The following SPEF2 variants were observed in gnomAD, a reference collection of about 807,000 sequenced individuals.
SPEF2 encodes sperm flagella and cilia-associated protein 2.
SPEF2 carries 187 observed loss-of-function variants against 224.6 expected under a neutral mutation model. The ratio of observed to expected loss-of-function variants is 0.83; its 90% CI spans 0.74 to 0.94. The LOEUF (loss-of-function observed/expected upper bound fraction) is 0.94, where lower values mean the gene tolerates loss of function less well. Ranked by LOEUF, SPEF2 falls within the 40% of genes least tolerant of loss-of-function variation. The pLI is 0.00. For synonymous variants in SPEF2, 715 were observed against 707.3 expected (o/e 1.01, Z -0.17); for missense variants, 2,170 against 2,135.6 (o/e 1.02, Z -0.32).
chr5:35,627,255 A>C (rs1331459131), intron 1 of SPEF2, among the ~76,000 whole-genome samples: 1 of 151,978 alleles, frequency 6.6e-6, no homozygotes, highest in Non-Finnish European at 1.5e-5. Flanking sequence ...AATACAAGTA[A>C]CTCAAAACTA....
chr5:35,628,654 T>G, intron 2 of SPEF2, 92 bp downstream of exon 2: 1 of 832,848 alleles, frequency 1.2e-6, no homozygotes, highest in Non-Finnish European at 1.9e-6. Context: ...TGCAGTAGCG[T>G]GATCATAGCT....
intron 10 of SPEF2, among the ~76,000 whole-genome samples, chr5:35,681,777 G>A (rs1752844378): frequency 6.6e-6 from 1 of 152,002 alleles, no homozygotes; most frequent in South Asian, 2.1e-4. Flanking sequence ...TGTTTTATGG[G>A]GAGACCTAGT....
intron 30 of SPEF2, among the ~76,000 whole-genome samples, chr5:35,781,972 A>G (rs983542222): frequency 6.6e-6 from 1 of 152,156 alleles, no homozygotes; most frequent in Non-Finnish European, 1.5e-5. Flanking sequence ...CAGGCTCCAA[A>G]CATTGACAAT....
intron 8 of SPEF2, among the ~76,000 whole-genome samples, chr5:35,664,498 G>A (rs1382466169): frequency 6.6e-6 from 1 of 152,074 alleles, no homozygotes; most frequent in African/African-American, 2.4e-5. Context: ...AGGCCAACAT[G>A]GTGAAACCCT....
At chr5:35,625,108 T>C (rs1561088921) in intron 1 of SPEF2, among the ~76,000 whole-genome samples, 2 of 152,240 alleles carry the variant, frequency 1.3e-5, no homozygotes, top group Non-Finnish European at 2.9e-5. Context: ...CGTCACTCAC[T>C]GTTCTAGTTT....
At chr5:35,652,720 C>T (rs1748377654) in intron 6 of SPEF2, among the ~76,000 whole-genome samples, 1 of 151,956 alleles carries the variant, frequency 6.6e-6, no homozygotes. Flanking sequence ...AGCTGGGAGG[C>T]GCAAACCTCC....
intron 28 of SPEF2, among the ~76,000 whole-genome samples, chr5:35,775,094 A>G (rs1753424931): frequency 6.6e-6 from 1 of 152,152 alleles, no homozygotes; most frequent in South Asian, 2.1e-4. Flanking sequence ...TATATGTACA[A>G]ACATAAACAA....
chr5:35,776,280 G>T lies in SPEF2; in HGVS notation c.4102G>T (p.Glu1368Ter), dbSNP rs1230916222. 5 of 1,609,872 alleles carry T rather than the reference G, an allele frequency of 3.1e-6. No individual in the cohort carries two copies. In the East Asian group the frequency reaches 1.1e-4, roughly 36 times the overall value. The change falls in exon 29 of 37, where the codon GAA (glutamate) becomes TAA (stop). Residue 1368 changes from glutamate to a stop codon, truncating the protein, a stop_gained. Transcript: ENST00000356031. LOFTEE classifies it high-confidence loss of function. ...FEEIATQFRL[E>*]LIKTKALALL... ...AGAAATAGCCACGCAATTTCGACTT[G>T]AACTGATAAAGACAAAAGCATTGGC...
Position 35,654,683 on chromosome 5 carries a change from G to A in SPEF2, c.935G>A (p.Arg312Gln), listed in dbSNP as rs143363707. Residue 312 changes from arginine (R) to glutamine (Q), a missense_variant, in exon 7 of 37, where the codon CGG becomes CAG. Physicochemically the swap from Arg to Gln is conservative, Grantham distance 43. Coordinates refer to ENST00000356031, the MANE Select transcript of SPEF2 (RefSeq NM_024867.4). ...FAREQREKRRRKLLMDQLIAH... is the reference protein window; with the variant it reads ...FAREQREKRRQKLLMDQLIAH... ...CGAGAGCAAAGGGAGAAAAGACGGC[G>A]GAAATTGTTAATGGACCAGTTAATA... 1.6e-5 allele frequency: 25 copies of A among 1,611,424 alleles called. No individual in the cohort carries two copies. Among genetic ancestry groups the A allele is most frequent in the East Asian group, 1.3e-4 (6 of 44,838 alleles).
chr5:35,763,907 G>T (rs1433915244), intron 26 of SPEF2, among the ~76,000 whole-genome samples: 2 of 152,174 alleles, frequency 1.3e-5, no homozygotes, highest in African/African-American at 4.8e-5. Context: ...CAACATTTAG[G>T]TTATTTTCTG....
Position 35,700,701 on chromosome 5 carries a change from T to G in SPEF2, c.2347T>G (p.Leu783Val), listed in dbSNP as rs1384027243. 6.8e-6 allele frequency: 11 copies of G among 1,613,972 alleles called. No homozygotes were observed. The highest frequency in any genetic ancestry group is 7.6e-6 in the Non-Finnish European group (9 of 1,179,900). ...CTCTCCTGCATTTGATTTTGTCATA[T>G]TATTAGATGTTTCAGATACTTCCTC... is the stretch of plus-strand genomic sequence containing the variant. ...LPSPAFDFVI[L>V]LDVSDTSSMS... Residue 783 changes from leucine (L) to valine (V), a missense_variant, in exon 16 of 37, where the codon TTA (leucine) becomes GTA (valine). Transcript: ENST00000356031.
At chr5:35,701,420 G>A (rs1444169350) in intron 16 of SPEF2, among the ~76,000 whole-genome samples, 1 of 152,138 alleles carries the variant, frequency 6.6e-6, no homozygotes, top group Non-Finnish European at 1.5e-5. Flanking sequence ...ATTGTTATGG[G>A]TATTAAATGA....
At chr5:35,775,461 A>C (rs997948599) in intron 28 of SPEF2, among the ~76,000 whole-genome samples, 75 of 152,040 alleles carry the variant, frequency 4.9e-4, no homozygotes, top group Admixed American at 2.6e-4. Flanking sequence ...GCTTGTGAGT[A>C]GCTTAGGACC....
At chr5:35,643,666 C>T (rs1746923431) in intron 3 of SPEF2, 2 of 403,184 alleles carry the variant, frequency 5.0e-6, no homozygotes, top group Admixed American at 5.8e-5. Context: ...GTAGAGATGC[C>T]ATCTTCTTTG....
At chr5:35,620,855 G>A (rs183021759) in intron 1 of SPEF2, among the ~76,000 whole-genome samples, 3 of 152,300 alleles carry the variant, frequency 2.0e-5, no homozygotes, top group East Asian at 1.9e-4. Flanking sequence ...ACATTTATAT[G>A]AGCATGAAGA....
At chr5:35,668,809 T>C (rs7706719) in intron 9 of SPEF2, among the ~76,000 whole-genome samples, 92,337 of 151,860 alleles carry the variant, frequency 0.61, 28,814 homozygotes, top group East Asian at 0.73. Context: ...TTTCAAAATA[T>C]GTGGACTACT....
chr5:35,709,736 G>T, intron 19 of SPEF2: 1 of 985,322 alleles, frequency 1.0e-6, no homozygotes, highest in Non-Finnish European at 1.2e-6. Flanking sequence ...CATAAGTCTA[G>T]CATTAAGTGG....
intron 30 of SPEF2, among the ~76,000 whole-genome samples, chr5:35,787,679 G>A (rs1474737305): frequency 3.9e-5 from 6 of 152,122 alleles, no homozygotes; most frequent in African/African-American, 1.4e-4. Flanking sequence ...CCATATAATA[G>A]GGGTAATGGT....
At chr5:35,738,824 T>A (rs1211562892) in intron 21 of SPEF2, among the ~76,000 whole-genome samples, 1 of 152,022 alleles carries the variant, frequency 6.6e-6, no homozygotes, top group Non-Finnish European at 1.5e-5. Context: ...GCTGCAGGCT[T>A]CATCTTCAAC....
Sources: allele counts gnomAD v4.1 joint callset (sites outside exome capture counted in the v4.1 genomes callset), GRCh38; gene constraint gnomAD v4.1.1; transcripts MANE v1.5; gene names NCBI Gene and HGNC (gene_info 2026-07-23, HGNC 2026-07-21).